Variants in CNIH3 observed in about 807,000 individuals in gnomAD.
CNIH3 encodes the protein protein cornichon homolog 3.
Under a neutral mutation model 24.1 loss-of-function variants are expected in CNIH3, and 14 were observed. The observed-to-expected ratio is 0.58, with a 90% CI of 0.38 to 0.91. The LOEUF (loss-of-function observed/expected upper bound fraction) is 0.91. Ranked by LOEUF, CNIH3 falls within the 40% of genes least tolerant of loss-of-function variation. The probability of loss-of-function intolerance (pLI) is 0.00; values close to 1 mark genes in which losing one functional copy is unlikely to be tolerated. For synonymous variants in CNIH3, 68 were observed against 73.8 expected (o/e 0.92, Z 0.40); for missense variants, 178 against 196.8 (o/e 0.90, Z 0.57).
chr1:224,577,272 C>G (rs1301419556), intron 4 of CNIH3, among the ~76,000 whole-genome samples: 1 of 152,114 alleles, frequency 6.6e-6, no homozygotes, highest in African/African-American at 2.4e-5. Flanking sequence ...AAACAGACAA[C>G]TCAGAGAATG....
At chr1:224,588,968 G>GT (rs974335950), downstream of CNIH3, among the ~76,000 whole-genome samples, 2,619 of 112,296 alleles carry the variant, frequency 0.023, 63 homozygotes, top group Middle Eastern at 0.029. Flanking sequence ...CTGACCCCCT[G>GT]TTTTTTTTTT....
intron 1 of CNIH3, 132 bp from the exon 2 acceptor site, chr1:224,680,826 G>C (rs753489003): frequency 7.1e-4 from 482 of 679,776 alleles, no homozygotes; most frequent in Non-Finnish European, 1.1e-3. Context: ...GTGACCAGCT[G>C]CTGGCCAATC....
chr1:224,588,663 C>T (rs1681612899), downstream of CNIH3: 1 of 151,714 alleles, frequency 6.6e-6, no homozygotes, highest in Non-Finnish European at 1.5e-5. Flanking sequence ...ATGTAAATAA[C>T]CATTCAGACA....
intron 4 of CNIH3, among the ~76,000 whole-genome samples, chr1:224,582,243 T>A (rs1247836798): frequency 6.6e-6 from 1 of 152,234 alleles, no homozygotes; most frequent in Non-Finnish European, 1.5e-5. Context: ...TTTTAACTGC[T>A]ATTTATAGTC....
chr1:224,626,691 G>A (rs920791551), intron 1 of CNIH3, among the ~76,000 whole-genome samples: 5 of 152,048 alleles, frequency 3.3e-5, no homozygotes, highest in Admixed American at 3.3e-4. Context: ...CGTCCAAACC[G>A]CTCAATTTGG....
intron 1 of CNIH3, among the ~76,000 whole-genome samples, chr1:224,674,615 G>A (rs1460326300): frequency 6.6e-6 from 1 of 152,046 alleles, no homozygotes; most frequent in South Asian, 2.1e-4. Flanking sequence ...TGTGGTTGGG[G>A]GAACAGGGAG....
At chr1:224,538,606 G>A (rs150082258), downstream of CNIH3, among the ~76,000 whole-genome samples, 202 of 151,390 alleles carry the variant, frequency 1.3e-3, 1 homozygote, top group African/African-American at 4.7e-3. Context: ...CTACATCTTG[G>A]ACAATGCCTT....
chr1:224,635,145 G>A (rs1262009788), intron 1 of CNIH3, among the ~76,000 whole-genome samples: 2 of 152,094 alleles, frequency 1.3e-5, no homozygotes, highest in Non-Finnish European at 2.9e-5. Flanking sequence ...ATCTTACATG[G>A]TGGTAGGACA....
intron 4 of CNIH3, among the ~76,000 whole-genome samples, chr1:224,578,401 C>A (rs1572513486): frequency 6.6e-6 from 1 of 152,172 alleles, no homozygotes; most frequent in African/African-American, 2.4e-5. Context: ...CTGACTTGCT[C>A]CAGGCTGGGC....
At chr1:224,497,571 A>C (rs1305956769) in intron 1 of CNIH3, among the ~76,000 whole-genome samples, 1 of 152,246 alleles carries the variant, frequency 6.6e-6, no homozygotes, top group South Asian at 2.1e-4. Context: ...AAGATAATGC[A>C]TATGACAGAC....
At chr1:224,544,307 G>A (rs1384478686) in intron 2 of CNIH3, among the ~76,000 whole-genome samples, 2 of 152,176 alleles carry the variant, frequency 1.3e-5, no homozygotes, top group Non-Finnish European at 2.9e-5. Context: ...ATCTCAAGCA[G>A]TCAGCAGTGA....
At chr1:224,581,650 T>A (rs1177663776) in intron 4 of CNIH3, among the ~76,000 whole-genome samples, 1 of 152,194 alleles carries the variant, frequency 6.6e-6, no homozygotes. Flanking sequence ...TGCATATAGT[T>A]GGCATCATGA....
intron 2 of CNIH3, among the ~76,000 whole-genome samples, chr1:224,523,744 T>C (rs1678734268): frequency 6.6e-6 from 1 of 152,216 alleles, no homozygotes; most frequent in Non-Finnish European, 1.5e-5. Context: ...TCATAGACTA[T>C]GGAGGAAGAG....
At chr1:224,660,511 A>G (rs1003504990) in intron 1 of CNIH3, among the ~76,000 whole-genome samples, 17 of 145,368 alleles carry the variant, frequency 1.2e-4, no homozygotes, top group Non-Finnish European at 1.1e-4. Flanking sequence ...TTTATATACA[A>G]TTTTTTTTTT....
At chr1:224,643,232 C>T (rs980090631) in intron 1 of CNIH3, among the ~76,000 whole-genome samples, 1 of 152,168 alleles carries the variant, frequency 6.6e-6, no homozygotes, top group Admixed American at 6.5e-5. Context: ...TAAAACGAGG[C>T]CTGCTCTGAA....
At chr1:224,696,555 G>T (rs926241565) in intron 3 of CNIH3, among the ~76,000 whole-genome samples, 21 of 152,232 alleles carry the variant, frequency 1.4e-4, no homozygotes, top group African/African-American at 5.1e-4. Flanking sequence ...TGAGGTGGGA[G>T]AGGAGCAAGA....
At chr1:224,474,145 A>C (rs557194446) in intron 1 of CNIH3, among the ~76,000 whole-genome samples, 1 of 152,274 alleles carries the variant, frequency 6.6e-6, no homozygotes, top group East Asian at 1.9e-4. Context: ...TGGGCAGATC[A>C]TGTGAGGTCA....
intron 1 of CNIH3, among the ~76,000 whole-genome samples, chr1:224,438,409 C>A (rs10159333): frequency 2.6e-5 from 4 of 151,920 alleles, no homozygotes; most frequent in Non-Finnish European, 5.9e-5. Flanking sequence ...TTTTAAAAAG[C>A]TGAGATAGTA....
intron 2 of CNIH3, among the ~76,000 whole-genome samples, chr1:224,683,442 G>A (rs1026059345): frequency 3.9e-5 from 6 of 152,202 alleles, no homozygotes; most frequent in Non-Finnish European, 7.3e-5. Context: ...CTTCTGCGAG[G>A]TCTTAGACCT....
Sources: gnomAD v4.1 joint callset for allele counts (sites outside exome capture counted in the v4.1 genomes callset) on GRCh38, gnomAD v4.1.1 for gene constraint, MANE v1.5 for transcripts, NCBI Gene and HGNC (gene_info 2026-07-23, HGNC 2026-07-21) for gene names.